CHMP3: variants seen among roughly 807,000 people sequenced by gnomAD.
CHMP3 encodes the protein charged multivesicular body protein 3.
A neutral mutation model predicts 27.4 loss-of-function variants in CHMP3; 8 were observed. The observed-to-expected ratio is 0.29, with a 90% CI of 0.17 to 0.53. The LOEUF (loss-of-function observed/expected upper bound fraction) is 0.53. Ranked by LOEUF, CHMP3 falls within the 20% of genes least tolerant of loss-of-function variation. CHMP3 has a pLI of 0.96. For synonymous variants in CHMP3, 86 were observed against 85.5 expected (o/e 1.01, Z -0.03); for missense variants, 208 against 271.5 (o/e 0.77, Z 1.64).
At chr2:86,544,622 G>A (rs1192579614) in intron 1 of CHMP3, among the ~76,000 whole-genome samples, 1 of 152,184 alleles carries the variant, frequency 6.6e-6, no homozygotes, top group Non-Finnish European at 1.5e-5. Context: ...TTAACCCTGA[G>A]TTGACACAGC....
At chr2:86,542,685 C>T (rs914403943) in intron 1 of CHMP3, 18 of 167,934 alleles carry the variant, frequency 1.1e-4, no homozygotes, top group African/African-American at 3.6e-4. Flanking sequence ...AAAAACTACT[C>T]TGTCTGTGTC....
Position 86,563,424 on chromosome 2 carries a change from C to T in CHMP3, c.-76G>A. ...GGCAGGTCACGGGCAGCCGCCTGGG[C>T]GGGGCCCGCGGAAAAGGAGGTAGTC... On this transcript the variant is annotated 5_prime_UTR_variant, in exon 1 of 6. Coordinates refer to ENST00000263856, the MANE Select transcript of CHMP3 (RefSeq NM_016079.4). The T allele has an allele frequency of 6.5e-7, 1 of 1,540,518 alleles. No individual in the cohort carries two copies. Among genetic ancestry groups the T allele is most frequent in the Non-Finnish European group, 8.8e-7 (1 of 1,138,036 alleles).
chr2:86,535,215 G>A (rs1028157622), intron 2 of CHMP3, among the ~76,000 whole-genome samples: 7 of 147,232 alleles, frequency 4.8e-5, no homozygotes, highest in Middle Eastern at 3.7e-3. Flanking sequence ...GTGTCACGAC[G>A]CTGCACTCCA....
In CHMP3 at chr2:86,544,326, T is replaced by C. The variant is rs1376564047; in HGVS notation, c.46-2014A>G. Among the ~76,000 whole-genome samples the C allele has an allele frequency of 2.0e-5, 3 of 152,154 alleles. No homozygotes were observed. The South Asian group carries it at 6.2e-4, about 32-fold the overall frequency. On this transcript the variant is annotated intron_variant, in intron 1 of 5. Transcript: ENST00000263856. ...GAGTGTGAAGTGGTATCTCACTGTT[T>C]TGATTTACATTTTCTTTTTTTTTTT...
At chr2:86,531,210 C>T (rs1364196222) in intron 2 of CHMP3, among the ~76,000 whole-genome samples, 1 of 151,856 alleles carries the variant, frequency 6.6e-6, no homozygotes, top group Non-Finnish European at 1.5e-5. Flanking sequence ...GGTTTCGCCA[C>T]GTTGCCCAGG....
At chr2:86,559,161 G>T (rs1025926988) in intron 1 of CHMP3, among the ~76,000 whole-genome samples, 12 of 152,162 alleles carry the variant, frequency 7.9e-5, no homozygotes, top group African/African-American at 2.9e-4. Context: ...TCAGTTGAGG[G>T]TCTGGACATA....
chr2:86,563,251 C>G, intron 1 of CHMP3, 53 bp downstream of exon 1: 1 of 1,599,764 alleles, frequency 6.3e-7, no homozygotes, highest in Non-Finnish European at 8.5e-7. Flanking sequence ...TTACCAACTT[C>G]ACTACGCCCC....
In CHMP3 at chr2:86,534,123, A is replaced by G. The variant is rs182695892; in HGVS notation, c.107-4726T>C. Among the ~76,000 whole-genome samples, 22 of 148,826 alleles carry G rather than the reference A, an allele frequency of 1.5e-4. No homozygotes were observed. The East Asian group carries it at 4.3e-3, about 29-fold the overall frequency. On this transcript the variant is annotated intron_variant, in intron 2 of 5. Coordinates refer to ENST00000263856, the MANE Select transcript of CHMP3 (RefSeq NM_016079.4). Reference sequence around the variant, plus strand: ...GTCTATCCTAAAGAATGTCTTGTGTATATGTGAGAAGAATGTGTAGTTTGT... The same window carrying G: ...GTCTATCCTAAAGAATGTCTTGTGTGTATGTGAGAAGAATGTGTAGTTTGT...
At chr2:86,521,472 T>C (rs1675520766) in intron 3 of CHMP3, among the ~76,000 whole-genome samples, 1 of 152,218 alleles carries the variant, frequency 6.6e-6, no homozygotes, top group Non-Finnish European at 1.5e-5. Flanking sequence ...TTTAAGTATA[T>C]AGTTAAGTGG....
At chr2:86,548,101 T>C (rs1676682763) in intron 1 of CHMP3, among the ~76,000 whole-genome samples, 1 of 152,006 alleles carries the variant, frequency 6.6e-6, no homozygotes, top group Admixed American at 6.6e-5. Flanking sequence ...TGAAGACATA[T>C]GGAATGCAAA....
At chr2:86,554,611 CA>C (rs1168870334) in intron 1 of CHMP3, among the ~76,000 whole-genome samples, 1 of 152,142 alleles carries the variant, frequency 6.6e-6, no homozygotes, top group African/African-American at 2.4e-5. Flanking sequence ...ATGTACAAAT[CA>C]GTTCAATCCC....
chr2:86,540,120 C>CGGTTTTCAGTAATCTTTTT (rs1676305675), intron 2 of CHMP3, among the ~76,000 whole-genome samples: 2 of 151,870 alleles, frequency 1.3e-5, no homozygotes, highest in Admixed American at 6.6e-5. Flanking sequence ...GTTATCTTTT[C>CGGTTTTCAGTAATCTTTTT]GGTTTTCAGT....
intron 1 of CHMP3, among the ~76,000 whole-genome samples, chr2:86,543,341 GA>G (rs1283466859): frequency 6.6e-6 from 1 of 152,168 alleles, no homozygotes; most frequent in Non-Finnish European, 1.5e-5. Flanking sequence ...AAAGTTGTCA[GA>G]ATCAAAATGA....
intron 3 of CHMP3, among the ~76,000 whole-genome samples, chr2:86,524,003 T>C (rs891912796): frequency 6.6e-6 from 1 of 152,192 alleles, no homozygotes; most frequent in Non-Finnish European, 1.5e-5. Context: ...TTGATCATGA[T>C]AATGATGATA....
Position 86,558,870 on chromosome 2 carries a change from G to GAAA in CHMP3, c.45+4431_45+4433dup, listed in dbSNP as rs550691701. Among the ~76,000 whole-genome samples the GAAA allele has an allele frequency of 3.3e-3, 355 of 108,344 alleles. 3 individuals carry two copies. The highest frequency in any genetic ancestry group is 0.01 in the African/African-American group (341 of 33,952). 71.1% of individuals were successfully genotyped at this position (108,344 alleles called of 152,430 possible). A position where few individuals can be genotyped will look rare whatever the true frequency, so the allele number is the denominator to read the frequency against. On this transcript the variant is annotated intron_variant, in intron 1 of 5. Transcript: ENST00000263856. ...TAAGTATTTTCTTTCTCCCTTAAAA[G>GAAA]AAAAAAAAAAAAAAAGCCAAACTAA...
intron 1 of CHMP3, among the ~76,000 whole-genome samples, chr2:86,548,864 C>T (rs1241783794): frequency 4.8e-5 from 7 of 146,946 alleles, no homozygotes; most frequent in Non-Finnish European, 7.5e-5. Flanking sequence ...CGGGCAGAGG[C>T]GCTCCTCACA....
chr2:86,509,670 C>A (rs1407112497), intron 4 of CHMP3, among the ~76,000 whole-genome samples: 5 of 152,146 alleles, frequency 3.3e-5, no homozygotes, highest in Non-Finnish European at 7.3e-5. Flanking sequence ...CTGCAGTGCC[C>A]CAACTCTATA....
chr2:86,528,528 A>G (rs1573262555), intron 3 of CHMP3, among the ~76,000 whole-genome samples: 1 of 152,116 alleles, frequency 6.6e-6, no homozygotes, highest in Non-Finnish European at 1.5e-5. Flanking sequence ...GTCTGTATTC[A>G]ATCTAAATAT....
intron 3 of CHMP3, among the ~76,000 whole-genome samples, chr2:86,518,701 C>A (rs936544510): frequency 2.0e-5 from 3 of 152,096 alleles, no homozygotes; most frequent in Non-Finnish European, 4.4e-5. Context: ...CCAGTAGCAG[C>A]ACCCCTTTTC....
Sources: allele counts gnomAD v4.1 joint callset (sites outside exome capture counted in the v4.1 genomes callset), GRCh38; gene constraint gnomAD v4.1.1; transcripts MANE v1.5; gene names NCBI Gene and HGNC (gene_info 2026-07-23, HGNC 2026-07-21).